RAD51B: variants seen among roughly 807,000 people sequenced by gnomAD.
RAD51B encodes the protein DNA repair protein RAD51 homolog 2.
Under a neutral mutation model 42.2 loss-of-function variants are expected in RAD51B, and 38 were observed. The ratio of observed to expected loss-of-function variants is 0.90; its 90% CI spans 0.70 to 1.18. The LOEUF (loss-of-function observed/expected upper bound fraction) is 1.18, where lower values mean the gene tolerates loss of function less well. Ranked by LOEUF, RAD51B falls within the 50% of genes most tolerant of loss-of-function variation. The pLI is 0.00. For synonymous variants in RAD51B, 154 were observed against 145.2 expected, an observed-to-expected ratio of 1.06 and a Z score of -0.43; for missense variants, 373 against 400.7, an observed-to-expected ratio of 0.93 and a Z score of 0.59.
At chr14:68,115,461 G>A (rs1400116858) in intron 7 of RAD51B, among the ~76,000 whole-genome samples, 1 of 129,054 alleles carries the variant, frequency 7.7e-6, no homozygotes, top group Non-Finnish European at 1.6e-5. Flanking sequence ...CGAGTTAGTG[G>A]GTGCAGCGCA....
intron 7 of RAD51B, among the ~76,000 whole-genome samples, chr14:68,018,704 C>G (rs1281339452): frequency 6.6e-6 from 1 of 152,166 alleles, no homozygotes; most frequent in Non-Finnish European, 1.5e-5. Flanking sequence ...GCCACTCAAA[C>G]AGTACTCATA....
intron 7 of RAD51B, among the ~76,000 whole-genome samples, chr14:68,290,054 C>G (rs1415614943): frequency 6.6e-6 from 1 of 152,182 alleles, no homozygotes; most frequent in Non-Finnish European, 1.5e-5. Flanking sequence ...CTCAATTAAG[C>G]TGCCATTGAT....
intron 5 of RAD51B, among the ~76,000 whole-genome samples, chr14:67,870,038 A>G (rs1251398601): frequency 4.0e-5 from 6 of 151,648 alleles, no homozygotes; most frequent in Non-Finnish European, 7.4e-5. Context: ...TAATGAGCAA[A>G]ATAACCAGCT....
chr14:68,017,373 T>C (rs1337120609), intron 7 of RAD51B, among the ~76,000 whole-genome samples: 1 of 151,914 alleles, frequency 6.6e-6, no homozygotes, highest in Non-Finnish European at 1.5e-5. Context: ...ATTTTTGTAT[T>C]TTAGTAGAGA....
intron 8 of RAD51B, among the ~76,000 whole-genome samples, chr14:68,405,347 G>A (rs1323756841): frequency 6.6e-6 from 1 of 152,192 alleles, no homozygotes; most frequent in African/African-American, 2.4e-5. Context: ...GGTAGGCTGA[G>A]GTGGGAGGAT....
chr14:68,154,127 T>G (rs1057401330), intron 7 of RAD51B, among the ~76,000 whole-genome samples: 5 of 152,230 alleles, frequency 3.3e-5, no homozygotes, highest in Admixed American at 6.5e-5. Flanking sequence ...TTTGCATGCC[T>G]GGTTATCTTT....
chr14:68,286,067 A>G (rs2081409494), intron 7 of RAD51B, among the ~76,000 whole-genome samples: 1 of 152,150 alleles, frequency 6.6e-6, no homozygotes, highest in Non-Finnish European at 1.5e-5. Flanking sequence ...TATTAGATTT[A>G]TTTGTTTATT....
At chr14:68,502,863 G>A (rs757509193) in intron 10 of RAD51B, among the ~76,000 whole-genome samples, 22 of 152,160 alleles carry the variant, frequency 1.4e-4, no homozygotes, top group African/African-American at 3.1e-4. Context: ...CTCCTTTATC[G>A]TGGTTCTCTC....
At chr14:67,922,145 TAATG>T (rs1421700011) in intron 7 of RAD51B, among the ~76,000 whole-genome samples, 2 of 152,210 alleles carry the variant, frequency 1.3e-5, no homozygotes, top group Non-Finnish European at 2.9e-5. Context: ...AGTGCCAACT[TAATG>T]AATGACCCTT....
chr14:68,446,043 T>C (rs1566889120), intron 9 of RAD51B, among the ~76,000 whole-genome samples: 1 of 152,228 alleles, frequency 6.6e-6, no homozygotes, highest in African/African-American at 2.4e-5. Context: ...TACCCATTTC[T>C]ACTGTATCCT....
At chr14:67,927,703 ATGTGTG>A (rs35189653) in intron 7 of RAD51B, among the ~76,000 whole-genome samples, 2,413 of 137,416 alleles carry the variant, frequency 0.018, 59 homozygotes, top group African/African-American at 0.06. Context: ...ATTTCATTGT[ATGTGTG>A]TGTGTGTGTG....
intron 8 of RAD51B, among the ~76,000 whole-genome samples, chr14:68,312,611 CAATT>C (rs1191417913): frequency 6.6e-6 from 1 of 152,110 alleles, no homozygotes; most frequent in Non-Finnish European, 1.5e-5. Context: ...TCTCAAAGCT[CAATT>C]AAACTAAAAT....
intron 11 of RAD51B, among the ~76,000 whole-genome samples, chr14:68,666,818 T>G (rs1487162457): frequency 6.6e-6 from 1 of 152,212 alleles, no homozygotes; most frequent in African/African-American, 2.4e-5. Context: ...TTTCCCCCAG[T>G]GTATTATAAA....
intron 9 of RAD51B, among the ~76,000 whole-genome samples, chr14:68,416,546 G>A (rs1406173567): frequency 2.6e-5 from 4 of 152,222 alleles, no homozygotes; most frequent in African/African-American, 4.8e-5. Context: ...CAGTCTGAAG[G>A]ACGAAGGACT....
chr14:68,369,521 T>G (rs2139943296), intron 8 of RAD51B, among the ~76,000 whole-genome samples: 1 of 152,306 alleles, frequency 6.6e-6, no homozygotes, highest in South Asian at 2.1e-4. Context: ...GAAACTGGGG[T>G]TCTGCCTTTC....
downstream of RAD51B, among the ~76,000 whole-genome samples, chr14:68,597,666 G>T (rs1334697318): frequency 6.6e-6 from 1 of 152,122 alleles, no homozygotes; most frequent in African/African-American, 2.4e-5. Context: ...AGAGGAGGGA[G>T]AGGAGCAGAA....
At chr14:68,023,868 T>TTTG (rs1397843924) in intron 7 of RAD51B, among the ~76,000 whole-genome samples, 1 of 152,166 alleles carries the variant, frequency 6.6e-6, no homozygotes, top group African/African-American at 2.4e-5. Flanking sequence ...CTTGTCAATT[T>TTTG]TTGTTGTTGT....
At chr14:68,261,968 A>C (rs1165182413) in intron 7 of RAD51B, among the ~76,000 whole-genome samples, 1 of 151,404 alleles carries the variant, frequency 6.6e-6, no homozygotes, top group Non-Finnish European at 1.5e-5. Context: ...TTCCTGGGTG[A>C]GACTGTTTGT....
intron 7 of RAD51B, among the ~76,000 whole-genome samples, chr14:68,005,954 A>C (rs1228368479): frequency 6.6e-6 from 1 of 152,094 alleles, no homozygotes; most frequent in Admixed American, 6.6e-5. Flanking sequence ...TGTGCTCTAC[A>C]CTTTTAGCAG....
Sources: gnomAD v4.1 joint callset for allele counts (sites outside exome capture counted in the v4.1 genomes callset) on GRCh38, gnomAD v4.1.1 for gene constraint, MANE v1.5 for transcripts, NCBI Gene and HGNC (gene_info 2026-07-23, HGNC 2026-07-21) for gene names.